Variants in TEPSIN observed in about 807,000 individuals in gnomAD.
TEPSIN encodes AP-4 complex accessory subunit tepsin.
TEPSIN carries 50 observed loss-of-function variants against 48.5 expected under a neutral mutation model. The ratio of observed to expected loss-of-function variants is 1.03; its 90% CI spans 0.82 to 1.31. The LOEUF is 1.31. TEPSIN is among the 50% of genes most tolerant of loss of function. The pLI is 0.00. For synonymous variants in TEPSIN, 392 were observed against 358.8 expected, an observed-to-expected ratio of 1.09 and a Z score of -1.05; for missense variants, 838 against 815.9, an observed-to-expected ratio of 1.03 and a Z score of -0.33.
intron 4 of TEPSIN, 48 bp downstream of exon 4, chr17:81,236,660 A>G: frequency 6.5e-7 from 1 of 1,531,366 alleles, no homozygotes; most frequent in Non-Finnish European, 8.8e-7. Flanking sequence ...ACCCTCCCCC[A>G]TTCTCCAAAG....
In TEPSIN at chr17:81,230,996, AC is replaced by A; in HGVS notation, c.1099-319del. The A allele has an allele frequency of 2.0e-6, 1 of 499,846 alleles. No homozygotes were observed. Among genetic ancestry groups the A allele is most frequent in the Non-Finnish European group, 3.6e-6 (1 of 281,506 alleles). 31.0% of individuals were successfully genotyped at this position (499,846 alleles called of 1,614,324 possible). On this transcript the variant is annotated intron_variant, in intron 11 of 12. Coordinates refer to ENST00000637944, the MANE Select transcript of TEPSIN (RefSeq NM_001363764.2). This position sits in a 1 kb window ranked among gnomAD's most constrained non-coding sequence, Gnocchi z 4.2. ...GACAGACCCCAGCGAGAAGCACGTGACCTGCTGCCCCGATTGCCTTACCTTC... is the reference window on the plus strand; with the variant it reads ...GACAGACCCCAGCGAGAAGCACGTGACTGCTGCCCCGATTGCCTTACCTTC...
Position 81,229,101 on chromosome 17 carries a change from A to C in TEPSIN, c.1609T>G (p.Ser537Ala), listed in dbSNP as rs761986358. The change falls in exon 13 of 13, where the codon TCC becomes GCC. Residue 537 changes from serine to alanine, a missense_variant. Transcript: ENST00000637944. ...GPSSCAWSRD[S>A]LFAGMELVAC... ...ACCAGCTCCATGCCAGCAAACAAGG[A>C]GTCGCGGCTCCACGCACAGCTGCTG... 1 of 1,613,512 alleles carries C rather than the reference A, an allele frequency of 6.2e-7. No individual in the cohort carries two copies. The highest frequency in any genetic ancestry group is 1.1e-5 in the South Asian group (1 of 91,070).
At chr17:81,236,559 G>T in intron 4 of TEPSIN, 149 bp downstream of exon 4, 2 of 849,158 alleles carry the variant, frequency 2.4e-6, no homozygotes, top group Non-Finnish European at 3.7e-6. Context: ...CCAGAGATGG[G>T]CCAGGATCAG....
chr17:81,232,195 C>G (rs770294124), intron 8 of TEPSIN, 120 bp downstream of exon 8: 2 of 1,322,224 alleles, frequency 1.5e-6, no homozygotes, highest in Middle Eastern at 2.2e-4. Flanking sequence ...GCTTCCGCCG[C>G]GGGTCCCACC....
chr17:81,230,361 G>T lies in TEPSIN; in HGVS notation c.1233+183C>A. 1 of 744,796 alleles carries T rather than the reference G, an allele frequency of 1.3e-6. No homozygotes were observed. Among genetic ancestry groups the T allele is most frequent in the Non-Finnish European group, 2.1e-6 (1 of 472,586 alleles). The allele number at this position is 744,796 out of a possible 1,614,324, so 46.1% of individuals were successfully genotyped here. ...GCAGAGTTTGGGTGGAAGGCGGGAA[G>T]GCAATGGGGAGGTGAGGACCCTGAC... is the stretch of plus-strand genomic sequence containing the variant. On this transcript the variant is annotated intron_variant, in intron 12 of 12. Transcript: ENST00000637944. The surrounding 1 kb of genome is among the most constrained non-coding windows in gnomAD (Gnocchi z 4.2).
intron 10 of TEPSIN, 39 bp from the exon 11 acceptor site, chr17:81,231,515 T>A: frequency 1.9e-6 from 3 of 1,572,932 alleles, no homozygotes; most frequent in Non-Finnish European, 2.6e-6. Context: ...GTGCGGCCCG[T>A]TCCCTCCTCC....
rs747034805 is a variant in TEPSIN, at chr17:81,229,437, G to C, written c.1273C>G (p.Pro425Ala). The change falls in exon 13 of 13, where the codon CCT becomes GCT. Residue 425 changes from proline to alanine, a missense_variant. Pro to Ala is a conservative substitution (Grantham distance 27, BLOSUM62 -1). Coordinates refer to ENST00000637944, the MANE Select transcript of TEPSIN (RefSeq NM_001363764.2). ...HFEASCGQLS[P>A]ARGTSAEPGP... Reference sequence around the variant, plus strand: ...GGCTCAGCTGAGGTGCCCCGGGCAGGGGACAGCTGCCCACAGGAGGCCTCA... The same window carrying C: ...GGCTCAGCTGAGGTGCCCCGGGCAGCGGACAGCTGCCCACAGGAGGCCTCA... 30 of 1,549,848 alleles carry C rather than the reference G, an allele frequency of 1.9e-5. No homozygotes were observed. In the Middle Eastern group the frequency reaches 6.7e-4, roughly 34 times the overall value.
rs970899036 is a variant in TEPSIN at position 81,232,367 on chromosome 17, G to A, written c.678C>T (p.His226=). The A allele has an allele frequency of 2.1e-5, 32 of 1,535,456 alleles. No homozygotes were observed. The highest frequency in any genetic ancestry group is 5.9e-5 in the Admixed American group (3 of 50,958). ...GTAGGTTCCCCAGGGTTGGGGGACC[G>A]TGGCTGGCTGAAGGCATCATGGCAG... ...YQPAMMPSAS[H]GPPTLGNLLP... The change falls in exon 8 of 13, where the codon CAC becomes CAT. Residue 226 remains histidine (H), a synonymous_variant. Coordinates refer to ENST00000637944, the MANE Select transcript of TEPSIN (RefSeq NM_001363764.2).
intron 3 of TEPSIN, 72 bp from the exon 4 acceptor site, chr17:81,236,873 C>G: frequency 6.5e-7 from 1 of 1,537,992 alleles, no homozygotes; most frequent in South Asian, 1.2e-5. Flanking sequence ...CCGGGGGCAC[C>G]CCAAGGGCAC....
chr17:81,237,962 G>C (rs1297642499), intron 1 of TEPSIN: 5 of 1,004,798 alleles, frequency 5.0e-6, no homozygotes, highest in Non-Finnish European at 6.0e-6. Flanking sequence ...TTTTACGTTC[G>C]CTTAGCGCAG....
chr17:81,232,049 TC>T (rs758607425), intron 8 of TEPSIN, 28 bp from the exon 9 acceptor site: 18 of 1,595,164 alleles, frequency 1.1e-5, no homozygotes, highest in Middle Eastern at 3.4e-4. Flanking sequence ...GCCGGTGAGA[TC>T]CCTGGGGCTT....
Position 81,233,742 on chromosome 17 carries a change from G to C in TEPSIN, c.376-26C>G, listed in dbSNP as rs2062668601. 1 of 1,572,980 alleles carries C rather than the reference G, an allele frequency of 6.4e-7. No homozygotes were observed. Among genetic ancestry groups the C allele is most frequent in the African/African-American group, 1.3e-5 (1 of 74,626 alleles). On this transcript the variant is annotated intron_variant, in intron 5 of 12. Coordinates refer to ENST00000637944, the MANE Select transcript of TEPSIN (RefSeq NM_001363764.2). The surrounding 1 kb of genome is among the most constrained non-coding windows in gnomAD (Gnocchi z 5.8). ...CTACAGGGGGAGGCGAAGGCCCTCA[G>C]TGTCCTCACACCAGGGCCTGCTGTA...
intron 11 of TEPSIN, chr17:81,231,169 AGT>A (rs1334776130): frequency 1.9e-5 from 11 of 589,228 alleles, no homozygotes; most frequent in East Asian, 5.6e-5. Context: ...CACGTGCACA[AGT>A]GTGTACACAC....
intron 4 of TEPSIN, 188 bp downstream of exon 4, chr17:81,236,520 G>C: frequency 1.5e-6 from 1 of 661,546 alleles, no homozygotes; most frequent in Middle Eastern, 3.7e-4. Flanking sequence ...CCGGCCAGCT[G>C]GGGTGAGGGT....
At position 81,230,470 on chromosome 17, in the gene TEPSIN, T is replaced by C. The variant is rs1471642700; in HGVS notation, c.1233+74A>G. On this transcript the variant is annotated intron_variant, in intron 12 of 12. Transcript: ENST00000637944. This position sits in a 1 kb window ranked among gnomAD's most constrained non-coding sequence, Gnocchi z 4.2. ...GACCAGGCGCCGGGCAGGGACGGGG[T>C]GGCCGTGGACTGCAGCGTATCTCCC... 1.8e-5 allele frequency: 28 copies of C among 1,564,642 alleles called. No individual in the cohort carries two copies. The highest frequency in any genetic ancestry group is 5.4e-5 in the African/African-American group (4 of 73,470).
At position 81,232,241 on chromosome 17, in the gene TEPSIN, C is replaced by T. The variant is rs928276745; in HGVS notation, c.730+74G>A. On this transcript the variant is annotated intron_variant, in intron 8 of 12. Transcript: ENST00000637944. ...TGTGGGAGGCCCTGGGATTTGCCTC[C>T]GTGGCCGCAAAGCCCCAGCGGTGAC... 59 of 1,431,986 alleles carry T rather than the reference C, an allele frequency of 4.1e-5. No homozygotes were observed. In the African/African-American group the frequency reaches 6.1e-4, roughly 15 times the overall value. 88.7% of individuals were successfully genotyped at this position (1,431,986 alleles called of 1,614,324 possible). A position where few individuals can be genotyped will look rare whatever the true frequency, so the allele number is the denominator to read the frequency against.
chr17:81,233,341 C>A lies in TEPSIN; in HGVS notation c.526+91G>T. On this transcript the variant is annotated intron_variant, in intron 7 of 12. Coordinates refer to ENST00000637944, the MANE Select transcript of TEPSIN (RefSeq NM_001363764.2). The surrounding 1 kb of genome is among the most constrained non-coding windows in gnomAD (Gnocchi z 5.8). ...TAGGGGAGGGGACGGGGGACAGCAG[C>A]TACTAGATGGGGCGGCATGGTCCGG... 2 of 1,452,494 alleles carry A rather than the reference C, an allele frequency of 1.4e-6. No homozygotes were observed. Among genetic ancestry groups the A allele is most frequent in the South Asian group, 2.5e-5 (2 of 80,228 alleles). The allele number at this position is 1,452,494 out of a possible 1,614,324, so 90.0% of individuals were successfully genotyped here.
At chr17:81,229,869 C>T (rs751885840) in intron 12 of TEPSIN, 8 of 258,108 alleles carry the variant, frequency 3.1e-5, no homozygotes, top group Non-Finnish European at 6.0e-5. Flanking sequence ...AGAAACCCCA[C>T]TATGAGGTTC....
At chr17:81,235,439 G>A (rs927415426) in intron 4 of TEPSIN, among the ~76,000 whole-genome samples, 1 of 152,204 alleles carries the variant, frequency 6.6e-6, no homozygotes, top group Non-Finnish European at 1.5e-5. Context: ...CCCACAGCCT[G>A]TGTGTCACCC....
Sources: allele counts gnomAD v4.1 joint callset (sites outside exome capture counted in the v4.1 genomes callset), GRCh38; gene constraint gnomAD v4.1.1; non-coding constraint Gnocchi (gnomAD v3.1); transcripts MANE v1.5; gene names NCBI Gene and HGNC (gene_info 2026-07-23, HGNC 2026-07-21).